ADGRB3: variants seen among roughly 807,000 people sequenced by gnomAD.
ADGRB3 encodes adhesion G protein-coupled receptor B3.
A neutral mutation model predicts 193.4 loss-of-function variants in ADGRB3; 37 were observed. The observed-to-expected ratio is 0.19, with a 90% CI of 0.15 to 0.25. ADGRB3 has a LOEUF of 0.25. Among genes scored for constraint, ADGRB3 ranks in the 10% least tolerant of loss-of-function variants. The probability of loss-of-function intolerance (pLI) is 1.00; values close to 1 mark genes in which losing one functional copy is unlikely to be tolerated. For missense variants in ADGRB3, 1,637 were observed against 1,852.9 expected (o/e 0.88, Z 2.14); for synonymous variants, 690 against 644.2 (o/e 1.07, Z -1.08).
At chr6:68,783,290 A>G (rs1766894415) in intron 3 of ADGRB3, among the ~76,000 whole-genome samples, 1 of 137,860 alleles carries the variant, frequency 7.3e-6, no homozygotes, top group African/African-American at 2.7e-5. Context: ...TTGCCTCCCT[A>G]AATATATATA....
chr6:69,358,555 A>C (rs1769380562), intron 28 of ADGRB3, among the ~76,000 whole-genome samples: 2 of 151,926 alleles, frequency 1.3e-5, no homozygotes, highest in African/African-American at 4.8e-5. Context: ...TGAGCCCATT[A>C]GGATCTTTCT....
intron 10 of ADGRB3, among the ~76,000 whole-genome samples, chr6:68,991,837 T>G (rs1198491401): frequency 6.6e-6 from 1 of 152,278 alleles, no homozygotes; most frequent in East Asian, 1.9e-4. Flanking sequence ...TATATAGATC[T>G]ATTTTTCAAA....
At chr6:68,885,317 G>A (rs1488146152) in intron 3 of ADGRB3, among the ~76,000 whole-genome samples, 6 of 152,072 alleles carry the variant, frequency 3.9e-5, no homozygotes, top group Admixed American at 3.9e-4. Flanking sequence ...TATGGAATGC[G>A]ACCTTCTCCA....
intron 8 of ADGRB3, among the ~76,000 whole-genome samples, chr6:68,968,992 T>C (rs1419119607): frequency 6.6e-6 from 1 of 152,150 alleles, no homozygotes; most frequent in Non-Finnish European, 1.5e-5. Flanking sequence ...ATTTCTATCA[T>C]TGAAAAAATT....
At chr6:69,268,755 C>A (rs77469930) in intron 20 of ADGRB3, among the ~76,000 whole-genome samples, 4,888 of 152,192 alleles carry the variant, frequency 0.032, 233 homozygotes, top group African/African-American at 0.11. Context: ...TAGAGAAAAG[C>A]CTCTTTTCAC....
At chr6:68,648,561 A>AT (rs2127279483) in intron 3 of ADGRB3, among the ~76,000 whole-genome samples, 1 of 151,094 alleles carries the variant, frequency 6.6e-6, no homozygotes, top group African/African-American at 2.4e-5. Context: ...GATGTAGCAA[A>AT]TGTACTCAGA....
chr6:68,694,013 T>C (rs951721146), intron 3 of ADGRB3, among the ~76,000 whole-genome samples: 11 of 152,048 alleles, frequency 7.2e-5, no homozygotes, highest in African/African-American at 2.7e-4. Context: ...TATTGGTCTT[T>C]GATTTTCATG....
At chr6:69,005,962 A>G (rs73745910) in intron 11 of ADGRB3, among the ~76,000 whole-genome samples, 2,610 of 152,238 alleles carry the variant, frequency 0.017, 81 homozygotes, top group African/African-American at 0.059. Flanking sequence ...CCAGTGCTCA[A>G]TTGATGTGCT....
chr6:69,301,636 C>G (rs868487358), intron 20 of ADGRB3, among the ~76,000 whole-genome samples: 1 of 151,898 alleles, frequency 6.6e-6, no homozygotes, highest in African/African-American at 2.4e-5. Flanking sequence ...TATGACATTA[C>G]AAGAAAAATT....
At chr6:69,142,990 C>G (rs1256546453) in intron 17 of ADGRB3, among the ~76,000 whole-genome samples, 2 of 152,178 alleles carry the variant, frequency 1.3e-5, no homozygotes, top group East Asian at 1.9e-4. Flanking sequence ...CTAATTTACA[C>G]TCCCACCAAC....
chr6:68,732,968 C>A (rs968822600), intron 3 of ADGRB3, among the ~76,000 whole-genome samples: 1 of 151,784 alleles, frequency 6.6e-6, no homozygotes, highest in African/African-American at 2.4e-5. Flanking sequence ...TTTCTAATGT[C>A]ATCCAGCTCA....
At chr6:68,889,676 G>A (rs1314019905) in intron 3 of ADGRB3, among the ~76,000 whole-genome samples, 1 of 151,728 alleles carries the variant, frequency 6.6e-6, no homozygotes, top group Non-Finnish European at 1.5e-5. Flanking sequence ...CTAATTTTTT[G>A]TATTTTTAGT....
rs1207006113 is a variant in ADGRB3, at chr6:69,365,271, C to T, written c.4239+3759C>T. Among the ~76,000 whole-genome samples, 5 of 152,142 alleles carry T rather than the reference C, an allele frequency of 3.3e-5. No individual in the cohort carries two copies. In the East Asian group the frequency reaches 7.7e-4, roughly 24 times the overall value. On this transcript the variant is annotated intron_variant, in intron 29 of 31. Coordinates refer to ENST00000370598, the MANE Select transcript of ADGRB3 (RefSeq NM_001704.3). ...GTAGAGGTTGAGGAAAAGAGGGAAA[C>T]CTGGGATCTTTCTCCCTTACTCTTT...
At chr6:68,964,274 C>A (rs1053929773) in intron 8 of ADGRB3, among the ~76,000 whole-genome samples, 2 of 152,082 alleles carry the variant, frequency 1.3e-5, no homozygotes, top group Non-Finnish European at 2.9e-5. Context: ...AATCTCAGCC[C>A]AGCTTATTAT....
chr6:69,161,930 A>G (rs1469523449), intron 17 of ADGRB3, among the ~76,000 whole-genome samples: 1 of 152,132 alleles, frequency 6.6e-6, no homozygotes, highest in African/African-American at 2.4e-5. Flanking sequence ...CCCCCAAAGT[A>G]AAACCCACAG....
chr6:69,254,193 A>G (rs1426090992), intron 20 of ADGRB3, among the ~76,000 whole-genome samples: 1 of 152,210 alleles, frequency 6.6e-6, no homozygotes, highest in African/African-American at 2.4e-5. Flanking sequence ...TTTAAATTTC[A>G]CTGATTAGAT....
chr6:69,046,858 G>T (rs1413521392), intron 13 of ADGRB3, among the ~76,000 whole-genome samples: 3 of 151,922 alleles, frequency 2.0e-5, no homozygotes, highest in Admixed American at 2.0e-4. Context: ...GGAGTGTAAT[G>T]AATTATTTAT....
At chr6:69,035,634 T>G (rs1467460469) in intron 13 of ADGRB3, among the ~76,000 whole-genome samples, 2 of 152,116 alleles carry the variant, frequency 1.3e-5, no homozygotes, top group African/African-American at 4.8e-5. Context: ...AATTTATACT[T>G]AAAACCTATG....
intron 20 of ADGRB3, among the ~76,000 whole-genome samples, chr6:69,302,093 C>T (rs1767960042): frequency 6.6e-6 from 1 of 151,840 alleles, no homozygotes; most frequent in Admixed American, 6.6e-5. Context: ...TGAAAAAACT[C>T]CCTGAAGGAA....
Sources: allele counts gnomAD v4.1 joint callset (sites outside exome capture counted in the v4.1 genomes callset), GRCh38; gene constraint gnomAD v4.1.1; transcripts MANE v1.5; gene names NCBI Gene and HGNC (gene_info 2026-07-23, HGNC 2026-07-21).